The following GLMN variants were observed in gnomAD, a reference collection of about 807,000 sequenced individuals.
GLMN encodes the protein glomulin.
In GLMN, 75 loss-of-function variants were observed where a neutral mutation model predicts 87.8. The ratio of observed to expected loss-of-function variants is 0.85; its 90% CI spans 0.71 to 1.04. GLMN has a LOEUF of 1.04. Among genes scored for constraint, GLMN ranks in the 50% least tolerant of loss-of-function variants. The pLI is 0.00. For synonymous variants in GLMN, 206 were observed against 221.6 expected (o/e 0.93, Z 0.63); for missense variants, 588 against 658.8 (o/e 0.89, Z 1.18).
the GLMN span, among the ~76,000 whole-genome samples, chr1:92,321,122 TC>T: frequency 0.053 from 8,065 of 152,260 alleles, 570 homozygotes; most frequent in African/African-American, 0.17. Flanking sequence ...TCAAAACACA[TC>T]CCTTAACTCT....
intron 7 of GLMN, among the ~76,000 whole-genome samples, chr1:92,280,371 G>A (rs1299772531): frequency 6.6e-6 from 1 of 152,206 alleles, no homozygotes; most frequent in Non-Finnish European, 1.5e-5. Context: ...ACCTGCAGCT[G>A]AGAGGTCTGT....
rs1437460552 is a variant in GLMN, at chr1:92,297,547, A to T, written c.40-18T>A. 6.3e-7 allele frequency: 1 copy of T among 1,583,560 alleles called. No homozygotes were observed. Among genetic ancestry groups the T allele is most frequent in the Admixed American group, 1.8e-5 (1 of 56,248 alleles). Reference sequence around the variant, plus strand: ...AGGATTTGCTGGCAAAAAAAAAAAAAACCCAAAAAACAAACAAAAAAAAGT... The same window carrying T: ...AGGATTTGCTGGCAAAAAAAAAAAATACCCAAAAAACAAACAAAAAAAAGT... On this transcript the variant is annotated intron_variant, in intron 2 of 18. Coordinates refer to ENST00000370360, the MANE Select transcript of GLMN (RefSeq NM_053274.3).
At chr1:92,333,448 A>T in the GLMN span, 1 of 1,613,524 alleles carries the variant, frequency 6.2e-7, no homozygotes, top group Non-Finnish European at 8.5e-7. Context: ...TAGAAAACGC[A>T]TCGTACTTGA....
chr1:92,262,901 T>A lies in GLMN; in HGVS notation c.1435A>T (p.Arg479Trp), dbSNP rs750682639. The part of the protein sequence containing the change: ...DRIMASLNLL[R>W]YLVIKDNEND... The stretch of plus-strand genomic sequence containing the variant: ...TCATTATCTTTGATAACCAAATACC[T>A]CAATAAATTTAATGAAGCCATAATC... The change falls in exon 16 of 19, where the codon AGG becomes TGG. Residue 479 changes from arginine (R) to tryptophan (W), a missense_variant. Arg to Trp is a moderately radical substitution (Grantham distance 101, BLOSUM62 -3). Transcript: ENST00000370360. 8.6e-7 allele frequency: 1 copy of A among 1,167,470 alleles called. No individual in the cohort carries two copies. The highest frequency in any genetic ancestry group is 1.3e-6 in the Non-Finnish European group (1 of 777,824). The allele number at this position is 1,167,470 out of a possible 1,614,324, so 72.3% of individuals were successfully genotyped here. A position where few individuals can be genotyped will look rare whatever the true frequency, so the allele number is the denominator to read the frequency against.
the GLMN span, among the ~76,000 whole-genome samples, chr1:92,326,333 A>G: frequency 6.6e-6 from 1 of 152,212 alleles, no homozygotes; most frequent in African/African-American, 2.4e-5. Context: ...TCTCTCAGCC[A>G]TGGATACCAG....
At chr1:92,259,293 GTA>G (rs991242446) in intron 16 of GLMN, among the ~76,000 whole-genome samples, 7 of 152,116 alleles carry the variant, frequency 4.6e-5, no homozygotes, top group African/African-American at 1.7e-4. Context: ...ATAATATTTG[GTA>G]TAAAAACTAA....
At chr1:92,323,854 T>C in the GLMN span, 4 of 1,613,934 alleles carry the variant, frequency 2.5e-6, no homozygotes, top group Non-Finnish European at 2.5e-6. Flanking sequence ...ATTAAAAGCG[T>C]CAGAAAATTC....
chr1:92,274,207 C>G (rs1213555001), intron 7 of GLMN, among the ~76,000 whole-genome samples: 1 of 152,168 alleles, frequency 6.6e-6, no homozygotes, highest in East Asian at 1.9e-4. Context: ...TAGAACCACT[C>G]ACCTACATCC....
At position 92,297,413 on chromosome 1, in the gene GLMN, T is replaced by C. The variant is rs1193043254; in HGVS notation, c.156A>G (p.Glu52=). Residue 52 remains glutamate (E), a synonymous_variant, in exon 3 of 19, where the codon GAA becomes GAG. Coordinates refer to ENST00000370360, the MANE Select transcript of GLMN (RefSeq NM_053274.3). ...CCAAGATTGTACGCACCTTATTCTT[T>C]TCATTTTGAATAATTTCTAATAGCT... ...TDQLLEIIQN[E]KNKVIIKNMG... 3 of 1,611,508 alleles carry C rather than the reference T, an allele frequency of 1.9e-6. No individual in the cohort carries two copies. The Admixed American group carries it at 5.0e-5, about 27-fold the overall frequency.
At chr1:92,357,121 A>AC in the GLMN span, among the ~76,000 whole-genome samples, 13 of 151,486 alleles carry the variant, frequency 8.6e-5, no homozygotes, top group South Asian at 2.1e-4. Context: ...ACACACACAC[A>AC]AACAGATGTT....
chr1:92,270,111 T>C (rs1656085461), intron 8 of GLMN, among the ~76,000 whole-genome samples: 1 of 152,160 alleles, frequency 6.6e-6, no homozygotes, highest in Non-Finnish European at 1.5e-5. Context: ...CCATCAAAGA[T>C]TGTGAGCAAA....
intron 3 of GLMN, among the ~76,000 whole-genome samples, chr1:92,292,746 T>TTTC (rs1278378852): frequency 3.6e-4 from 54 of 148,208 alleles, no homozygotes; most frequent in Admixed American, 8.6e-4. Context: ...TTTTTTTTTT[T>TTTC]TTTAAGCATG....
At chr1:92,310,283 C>G in the GLMN span, among the ~76,000 whole-genome samples, 1 of 152,160 alleles carries the variant, frequency 6.6e-6, no homozygotes, top group Non-Finnish European at 1.5e-5. Flanking sequence ...AATGAATCCA[C>G]TAGAGGTCAC....
the GLMN span, among the ~76,000 whole-genome samples, chr1:92,370,301 T>A: frequency 0.26 from 39,629 of 152,142 alleles, 6,554 homozygotes; most frequent in Non-Finnish European, 0.35. Context: ...AAGAAAATGA[T>A]AAGCTAGAAG....
At chr1:92,280,238 G>C (rs1457432273) in intron 7 of GLMN, among the ~76,000 whole-genome samples, 2 of 152,174 alleles carry the variant, frequency 1.3e-5, no homozygotes, top group Non-Finnish European at 2.9e-5. Context: ...AAACAGGCGG[G>C]TGCCCCTCTG....
chr1:92,326,968 G>C, the GLMN span, among the ~76,000 whole-genome samples: 13 of 152,324 alleles, frequency 8.5e-5, no homozygotes, highest in African/African-American at 3.1e-4. Flanking sequence ...TTCTGGCCAG[G>C]AGACTTCCTG....
chr1:92,275,870 T>A (rs1045475758), intron 7 of GLMN, among the ~76,000 whole-genome samples: 1 of 152,162 alleles, frequency 6.6e-6, no homozygotes, highest in African/African-American at 2.4e-5. Context: ...TCTCTAGAGT[T>A]CACTCCTGAG....
the GLMN span, among the ~76,000 whole-genome samples, chr1:92,346,305 A>G: frequency 6.6e-6 from 1 of 151,822 alleles, no homozygotes; most frequent in Non-Finnish European, 1.5e-5. Context: ...CTGGGACTAT[A>G]GTCACACACC....
rs72482822 is a variant in GLMN, at chr1:92,292,587, T to C, written c.166-1050A>G. Reference sequence around the variant, plus strand: ...CACCATGCCTGGCTAATTTTTTGCCTTTTTTTTTTTTTTTTTTAGTAGAGA... The same window carrying C: ...CACCATGCCTGGCTAATTTTTTGCCCTTTTTTTTTTTTTTTTTAGTAGAGA... On this transcript the variant is annotated intron_variant, in intron 3 of 18. Transcript: ENST00000370360. Among the ~76,000 whole-genome samples, 28 of 66,200 alleles carry C rather than the reference T, an allele frequency of 4.2e-4. 1 individual carries two copies. In the East Asian group the frequency reaches 0.12, roughly 289 times the overall value. The allele number at this position is 66,200 out of a possible 152,430, so 43.4% of individuals were successfully genotyped here.
Sources: allele counts gnomAD v4.1 joint callset (sites outside exome capture counted in the v4.1 genomes callset), GRCh38; gene constraint gnomAD v4.1.1; transcripts MANE v1.5; gene names NCBI Gene and HGNC (gene_info 2026-07-23, HGNC 2026-07-21).